SMIM31: variants seen among roughly 807,000 people sequenced by gnomAD.
SMIM31 encodes human epithelial cell program regulator.
intron 2 of SMIM31, among the ~76,000 whole-genome samples, chr4:164,775,262 C>T (rs536287991): frequency 6.6e-6 from 1 of 152,166 alleles, no homozygotes; most frequent in Non-Finnish European, 1.5e-5. Flanking sequence ...ATGAAGACTC[C>T]CTTGTTTACC....
intron 2 of SMIM31, among the ~76,000 whole-genome samples, chr4:164,788,454 T>C (rs1435469203): frequency 1.9e-5 from 2 of 106,294 alleles, no homozygotes; most frequent in African/African-American, 3.7e-5. Flanking sequence ...TCCGAATCTA[T>C]AAAATTTCTT....
intron 1 of SMIM31, among the ~76,000 whole-genome samples, chr4:164,763,923 A>T (rs1560823985): frequency 6.6e-6 from 1 of 152,236 alleles, no homozygotes; most frequent in Non-Finnish European, 1.5e-5. Context: ...AGCCAAAGGA[A>T]TCTTCAAACA....
chr4:164,782,529 C>G (rs1323335033), intron 2 of SMIM31, among the ~76,000 whole-genome samples: 6 of 149,904 alleles, frequency 4.0e-5, no homozygotes, highest in Non-Finnish European at 7.4e-5. Flanking sequence ...CAGGCGCCCC[C>G]CACCACGCCC....
chr4:164,766,527 G>A (rs545372967), intron 1 of SMIM31, among the ~76,000 whole-genome samples: 2 of 152,082 alleles, frequency 1.3e-5, no homozygotes, highest in African/African-American at 4.8e-5. Context: ...AGCCAGGCAC[G>A]GTGGCTCACG....
rs1192322568 is a variant in SMIM31, at chr4:164,801,074, A to T, written c.113-17A>T. The T allele has an allele frequency of 7.5e-6, 3 of 398,750 alleles. No homozygotes were observed. The highest frequency in any genetic ancestry group is 1.3e-5 in the Non-Finnish European group (3 of 225,980). The allele number at this position is 398,750 out of a possible 1,614,324, so 24.7% of individuals were successfully genotyped here. A position where few individuals can be genotyped will look rare whatever the true frequency, so the allele number is the denominator to read the frequency against. Reference sequence around the variant, plus strand: ...GGTGTATTTACATTCCTTTTTCTAAATTCTTTCTTATTGCAGAGGAAGAAC... The same window carrying T: ...GGTGTATTTACATTCCTTTTTCTAATTTCTTTCTTATTGCAGAGGAAGAAC... On this transcript the variant is annotated splice_polypyrimidine_tract_variant and intron_variant, in intron 2 of 2. Coordinates refer to ENST00000507311, the MANE Select transcript of SMIM31 (RefSeq NM_001352885.1).
At chr4:164,784,433 A>G (rs976781843) in intron 2 of SMIM31, among the ~76,000 whole-genome samples, 1 of 150,420 alleles carries the variant, frequency 6.6e-6, no homozygotes, top group Non-Finnish European at 1.5e-5. Context: ...TTCCTAATAC[A>G]GAAAAAGTCA....
chr4:164,783,204 C>T (rs1195352237), intron 2 of SMIM31, among the ~76,000 whole-genome samples: 1 of 116,532 alleles, frequency 8.6e-6, no homozygotes, highest in African/African-American at 3.3e-5. Context: ...GGCAACATAG[C>T]AAGACTCTGT....
intron 1 of SMIM31, among the ~76,000 whole-genome samples, chr4:164,759,499 T>C (rs540039942): frequency 6.6e-6 from 1 of 152,326 alleles, no homozygotes; most frequent in South Asian, 2.1e-4. Flanking sequence ...AAACTATATC[T>C]GTAAGTGCCA....
intron 2 of SMIM31, among the ~76,000 whole-genome samples, chr4:164,800,022 A>G (rs767230827): frequency 1.8e-4 from 27 of 152,190 alleles, no homozygotes; most frequent in Non-Finnish European, 3.2e-4. Flanking sequence ...ACAGAACCAG[A>G]GAAATCAAAT....
chr4:164,786,498 TA>T (rs5863719), intron 2 of SMIM31, among the ~76,000 whole-genome samples: 93,131 of 151,862 alleles, frequency 0.61, 29,637 homozygotes, highest in African/African-American at 0.79. Context: ...ATAACAAAAA[TA>T]AAAAAAAGAG....
chr4:164,775,752 A>G (rs1732873268), intron 2 of SMIM31, among the ~76,000 whole-genome samples: 1 of 152,204 alleles, frequency 6.6e-6, no homozygotes, highest in South Asian at 2.1e-4. Flanking sequence ...GCATGGAGAA[A>G]AGAGACAATG....
At chr4:164,797,377 A>G (rs557299805) in intron 2 of SMIM31, among the ~76,000 whole-genome samples, 1 of 152,228 alleles carries the variant, frequency 6.6e-6, no homozygotes, top group East Asian at 1.9e-4. Context: ...ACACAGACCA[A>G]TAGAATATAG....
rs145193565 is a variant in SMIM31, at chr4:164,797,752, C to T, written c.113-3339C>T. ...TGCTGGGATTACAGGTGTGAGCCAC[C>T]GCGCCTGGCCTAAAGTGCAAATTTC... On this transcript the variant is annotated intron_variant, in intron 2 of 2. Transcript: ENST00000507311. 7.6e-3 allele frequency among the ~76,000 whole-genome samples: 1,161 copies of T among 152,168 alleles called. 17 individuals carry two copies. The highest frequency in any genetic ancestry group is 0.027 in the African/African-American group (1,103 of 41,514).
At position 164,791,483 on chromosome 4, in the gene SMIM31, C is replaced by A. The variant is rs186638239; in HGVS notation, c.113-9608C>A. Among the ~76,000 whole-genome samples the A allele has an allele frequency of 2.2e-4, 34 of 152,220 alleles. 1 individual carries two copies. The highest frequency in any genetic ancestry group is 2.2e-3 in the Admixed American group (34 of 15,278). On this transcript the variant is annotated intron_variant, in intron 2 of 2. Coordinates refer to ENST00000507311, the MANE Select transcript of SMIM31 (RefSeq NM_001352885.1). ...GAGTAGCTGGGACTACTGGCACACA[C>A]CACCACACCCAGCTAATTTTTGTAA... is the stretch of plus-strand genomic sequence containing the variant.
chr4:164,767,733 G>A (rs1336935157), intron 1 of SMIM31, among the ~76,000 whole-genome samples: 4 of 152,228 alleles, frequency 2.6e-5, no homozygotes, highest in Non-Finnish European at 5.9e-5. Context: ...GGGCATAGTT[G>A]TGGAGAGCTC....
At chr4:164,791,054 A>G (rs1368069121) in intron 2 of SMIM31, among the ~76,000 whole-genome samples, 2 of 152,182 alleles carry the variant, frequency 1.3e-5, no homozygotes, top group Non-Finnish European at 2.9e-5. Flanking sequence ...TGTTATGTGT[A>G]TAAGGAAAAA....
intron 2 of SMIM31, among the ~76,000 whole-genome samples, chr4:164,774,434 C>T (rs1030340986): frequency 2.0e-5 from 3 of 152,196 alleles, no homozygotes; most frequent in African/African-American, 4.8e-5. Flanking sequence ...ATTAGACCAC[C>T]TATCCAATAA....
intron 2 of SMIM31, among the ~76,000 whole-genome samples, chr4:164,793,923 C>T (rs1048297240): frequency 1.3e-4 from 20 of 152,104 alleles, no homozygotes; most frequent in African/African-American, 4.3e-4. Context: ...AGAAAAGCAT[C>T]GTAGCATTTG....
At position 164,782,061 on chromosome 4, in the gene SMIM31, C is replaced by T. The variant is rs374552324; in HGVS notation, c.112+11506C>T. On this transcript the variant is annotated intron_variant, in intron 2 of 2. Transcript: ENST00000507311. ...ATCCCAGCACTTTGGGAGGTTGAGG[C>T]GGGTGGATCACCTGAGGTCGGGAGT... 1.6e-4 allele frequency among the ~76,000 whole-genome samples: 25 copies of T among 152,110 alleles called. No homozygotes were observed. In the South Asian group the frequency reaches 4.2e-3, roughly 25 times the overall value.
Sources: gnomAD v4.1 joint callset for allele counts (sites outside exome capture counted in the v4.1 genomes callset) on GRCh38, gnomAD v4.1.1 for gene constraint, MANE v1.5 for transcripts, NCBI Gene and HGNC (gene_info 2026-07-23, HGNC 2026-07-21) for gene names.